Variants in FSTL5 observed in about 807,000 individuals in gnomAD.
The protein encoded by FSTL5 is follistatin-related protein 5.
A neutral mutation model predicts 89.1 loss-of-function variants in FSTL5; 62 were observed. That is an observed-to-expected ratio of 0.70 (90% CI 0.57 to 0.86). The LOEUF is 0.86. Among genes scored for constraint, FSTL5 ranks in the 40% least tolerant of loss-of-function variants. FSTL5 has a pLI of 0.00. For synonymous variants in FSTL5, 383 were observed against 346.2 expected (o/e 1.11, Z -1.18); for missense variants, 1,057 against 1,001.6 (o/e 1.06, Z -0.75).
intron 3 of FSTL5, among the ~76,000 whole-genome samples, chr4:161,938,768 C>G (rs779084424): frequency 5.3e-5 from 8 of 151,830 alleles, no homozygotes; most frequent in Non-Finnish European, 1.2e-4. Context: ...GTTATAAGAT[C>G]CTTTTAATAA....
intron 15 of FSTL5, among the ~76,000 whole-genome samples, chr4:161,425,192 A>AT (rs1344744757): frequency 2.6e-5 from 4 of 152,182 alleles, no homozygotes; most frequent in Admixed American, 2.0e-4. Context: ...AATTTTACGA[A>AT]TTTTTTTAAA....
chr4:161,569,796 C>T (rs1377994452), intron 8 of FSTL5, among the ~76,000 whole-genome samples: 7 of 123,466 alleles, frequency 5.7e-5, no homozygotes, highest in Admixed American at 4.2e-4. Flanking sequence ...CACACACACA[C>T]ACACCCCACA....
chr4:162,163,843 G>A lies in FSTL5; in HGVS notation c.-245C>T, dbSNP rs1282833367. ...CCACACTCCTTTGTCAAGTTGATAT[G>A]GGTCCTGTTGGTGAAGCGGGTCCCA... On this transcript the variant is annotated 5_prime_UTR_variant, in exon 1 of 16. Coordinates refer to ENST00000306100, the MANE Select transcript of FSTL5 (RefSeq NM_020116.5). 1 of 152,238 alleles carries A rather than the reference G, an allele frequency of 6.6e-6. No homozygotes were observed. Among genetic ancestry groups the A allele is most frequent in the Admixed American group, 6.5e-5 (1 of 15,278 alleles). The allele number at this position is 152,238 out of a possible 1,614,324, so 9.4% of individuals were successfully genotyped here.
intron 7 of FSTL5, among the ~76,000 whole-genome samples, chr4:161,633,616 A>T (rs2126658726): frequency 6.6e-6 from 1 of 152,198 alleles, no homozygotes; most frequent in Non-Finnish European, 1.5e-5. Flanking sequence ...AAGTGCTGGG[A>T]TTACAGATGT....
intron 3 of FSTL5, among the ~76,000 whole-genome samples, chr4:161,978,524 A>C (rs1213771947): frequency 6.6e-6 from 1 of 152,224 alleles, no homozygotes; most frequent in African/African-American, 2.4e-5. Context: ...ACATTTTATC[A>C]ATTTATTTGA....
At position 161,584,044 on chromosome 4, in the gene FSTL5, C is replaced by G. The variant is rs181694332; in HGVS notation, c.1015+3411G>C. On this transcript the variant is annotated intron_variant, in intron 8 of 15. Coordinates refer to ENST00000306100, the MANE Select transcript of FSTL5 (RefSeq NM_020116.5). ...TAGCTAAATCAGAATCTTTTTTTCT[C>G]TCATGGCCACTTTACAGTCAACCAC... is the stretch of plus-strand genomic sequence containing the variant. 1.1e-3 allele frequency among the ~76,000 whole-genome samples: 170 copies of G among 152,146 alleles called. 1 individual carries two copies. Among genetic ancestry groups the G allele is most frequent in the Non-Finnish European group, 2.1e-3 (142 of 67,982 alleles).
intron 6 of FSTL5, among the ~76,000 whole-genome samples, chr4:161,713,727 T>A (rs1368824224): frequency 6.6e-6 from 1 of 152,074 alleles, no homozygotes; most frequent in Non-Finnish European, 1.5e-5. Flanking sequence ...CTATATGGTG[T>A]TTTATAATTA....
intron 3 of FSTL5, among the ~76,000 whole-genome samples, chr4:162,001,594 T>C (rs1326993510): frequency 1.1e-5 from 1 of 88,176 alleles, no homozygotes; most frequent in African/African-American, 4.7e-5. Flanking sequence ...TAAGGATACA[T>C]GCATTGTGTG....
chr4:161,782,557 T>G (rs1279374564), intron 4 of FSTL5, among the ~76,000 whole-genome samples: 2 of 152,206 alleles, frequency 1.3e-5, no homozygotes, highest in South Asian at 4.1e-4. Context: ...ACAGAAAATT[T>G]GAATTGGTTT....
intron 2 of FSTL5, among the ~76,000 whole-genome samples, chr4:162,093,470 C>A (rs962475126): frequency 2.6e-5 from 4 of 152,036 alleles, no homozygotes; most frequent in Admixed American, 2.6e-4. Flanking sequence ...TTACCAATTA[C>A]CAGAAAATAT....
At chr4:161,756,509 C>A (rs528583986) in intron 6 of FSTL5, among the ~76,000 whole-genome samples, 33 of 152,058 alleles carry the variant, frequency 2.2e-4, no homozygotes, top group African/African-American at 7.9e-4. Context: ...TTCCCTAGTA[C>A]TTTTATGTGT....
chr4:161,695,436 T>TGTGTGTGTGTGG (rs1738110023), intron 6 of FSTL5, among the ~76,000 whole-genome samples: 1 of 133,174 alleles, frequency 7.5e-6, no homozygotes, highest in African/African-American at 2.7e-5. Flanking sequence ...TGTGTGTGTG[T>TGTGTGTGTGTGG]GTGTGTGTGT....
intron 6 of FSTL5, among the ~76,000 whole-genome samples, chr4:161,752,375 T>A (rs1475644001): frequency 6.6e-6 from 1 of 152,096 alleles, no homozygotes; most frequent in Non-Finnish European, 1.5e-5. Context: ...CATAGAGGAG[T>A]TTTAGCTGTT....
At chr4:161,527,694 G>T (rs1463971463) in intron 10 of FSTL5, among the ~76,000 whole-genome samples, 3 of 151,748 alleles carry the variant, frequency 2.0e-5, no homozygotes, top group Non-Finnish European at 3.0e-5. Context: ...TACACTGTTG[G>T]TGGGACTGTA....
At chr4:161,832,622 T>C (rs1730885034) in intron 4 of FSTL5, among the ~76,000 whole-genome samples, 4 of 152,208 alleles carry the variant, frequency 2.6e-5, no homozygotes, top group Admixed American at 2.6e-4. Context: ...GGTGTATGTG[T>C]CGAGGAATTT....
At chr4:162,007,629 A>T (rs1365087712) in intron 3 of FSTL5, among the ~76,000 whole-genome samples, 1 of 151,324 alleles carries the variant, frequency 6.6e-6, no homozygotes, top group Non-Finnish European at 1.5e-5. Flanking sequence ...CAACTTATTA[A>T]AAAAAAAGCA....
In FSTL5 at chr4:162,114,185, T is replaced by A. The variant is rs180852866; in HGVS notation, c.-16-2773A>T. Among the ~76,000 whole-genome samples the A allele has an allele frequency of 5.8e-3, 864 of 149,112 alleles. 4 individuals are homozygous for A. Among genetic ancestry groups the A allele is most frequent in the African/African-American group, 0.021 (803 of 38,834 alleles). On this transcript the variant is annotated intron_variant, in intron 1 of 15. Coordinates refer to ENST00000306100, the MANE Select transcript of FSTL5 (RefSeq NM_020116.5). ...TATTTTCATTTGCAACCCATCCCCC[T>A]TTTTTTTGTCATTTTGATGTATAGC... is the stretch of plus-strand genomic sequence containing the variant.
At chr4:161,568,825 G>A (rs1732905653) in intron 8 of FSTL5, among the ~76,000 whole-genome samples, 1 of 152,110 alleles carries the variant, frequency 6.6e-6, no homozygotes, top group South Asian at 2.1e-4. Context: ...GTAATACAAA[G>A]CACAAATATA....
intron 10 of FSTL5, among the ~76,000 whole-genome samples, chr4:161,517,596 C>A (rs374024217): frequency 6.7e-5 from 10 of 149,002 alleles, no homozygotes; most frequent in African/African-American, 2.5e-4. Context: ...TATAAAGAAA[C>A]GTATGTGGAG....
Sources: allele counts gnomAD v4.1 joint callset (sites outside exome capture counted in the v4.1 genomes callset), GRCh38; gene constraint gnomAD v4.1.1; transcripts MANE v1.5; gene names NCBI Gene and HGNC (gene_info 2026-07-23, HGNC 2026-07-21).